The following MICU3 variants were observed in gnomAD, a reference collection of about 807,000 sequenced individuals.
MICU3 encodes the protein mitochondrial calcium uptake 3, also known as calcium uptake protein 3, mitochondrial.
Under a neutral mutation model 66.5 loss-of-function variants are expected in MICU3, and 62 were observed. That is an observed-to-expected ratio of 0.93 (90% CI 0.76 to 1.15). MICU3 has a LOEUF of 1.15. Among genes scored for constraint, MICU3 ranks in the 50% most tolerant of loss-of-function variants. The probability of loss-of-function intolerance (pLI) is 0.00; values close to 1 mark genes in which losing one functional copy is unlikely to be tolerated. For synonymous variants in MICU3, 308 were observed against 240.7 expected (o/e 1.28, Z -2.59); for missense variants, 779 against 664.4 (o/e 1.17, Z -1.90).
At chr8:17,133,500 T>C in the MICU3 span, among the ~76,000 whole-genome samples, 1 of 152,180 alleles carries the variant, frequency 6.6e-6, no homozygotes, top group African/African-American at 2.4e-5. Flanking sequence ...TTTATTTATA[T>C]ATATATCTCA....
chr8:17,115,911 C>T (rs779493249), intron 12 of MICU3, among the ~76,000 whole-genome samples: 42 of 152,172 alleles, frequency 2.8e-4, no homozygotes, highest in Non-Finnish European at 6.0e-4. Flanking sequence ...GTCATCTCAT[C>T]TGCCATTTCT....
rs143438471 is a variant in MICU3, at chr8:17,116,541, C to A, written c.1465C>A (p.Gln489Lys). ...FKIFDVDKDD[Q>K]LSYKEFIGIM... ...GATTTTTGATGTTGACAAAGATGAT[C>A]AATTAAGTTATAAAGAATTTATTGG... Residue 489 changes from glutamine to lysine, a missense_variant, in exon 13 of 15, where the codon CAA (glutamine) becomes AAA (lysine). Coordinates refer to ENST00000318063, the MANE Select transcript of MICU3 (RefSeq NM_181723.3). 6.4e-7 allele frequency: 1 copy of A among 1,564,376 alleles called. No individual in the cohort carries two copies. Among genetic ancestry groups the A allele is most frequent in the African/African-American group, 1.4e-5 (1 of 71,580 alleles).
At chr8:17,047,936 A>G (rs1815369352) in intron 1 of MICU3, among the ~76,000 whole-genome samples, 1 of 152,188 alleles carries the variant, frequency 6.6e-6, no homozygotes, top group Non-Finnish European at 1.5e-5. Context: ...TACAACAACA[A>G]TTATTATTAT....
At chr8:17,033,604 T>A (rs183146563) in intron 1 of MICU3, among the ~76,000 whole-genome samples, 5,907 of 152,060 alleles carry the variant, frequency 0.039, 172 homozygotes, top group Non-Finnish European at 0.059. Flanking sequence ...ACCCAGCTAA[T>A]TTTTTTGTAT....
At chr8:17,123,651 G>A (rs1293658552), downstream of MICU3, among the ~76,000 whole-genome samples, 1 of 152,042 alleles carries the variant, frequency 6.6e-6, no homozygotes, top group Admixed American at 6.6e-5. Flanking sequence ...ATATCTCACA[G>A]TTTTACTTGT....
In MICU3 at chr8:17,077,834, A is replaced by G. The variant is rs1475324747; in HGVS notation, c.619A>G (p.Lys207Glu). The G allele has an allele frequency of 6.2e-7, 1 of 1,611,912 alleles. No homozygotes were observed. The highest frequency in any genetic ancestry group is 1.7e-5 in the Admixed American group (1 of 59,928). The change falls in exon 4 of 15, where the codon AAG (lysine) becomes GAG (glutamate). Residue 207 changes from lysine (K) to glutamate (E), a missense_variant. Lys to Glu is a moderately conservative substitution (Grantham distance 56). Coordinates refer to ENST00000318063, the MANE Select transcript of MICU3 (RefSeq NM_181723.3). ...ACCACCAGTTTGGAAAGGCTCATCGAAGCTATTTCGAAATCTTAAAGAAAA... is the reference window on the plus strand; with the variant it reads ...ACCACCAGTTTGGAAAGGCTCATCGGAGCTATTTCGAAATCTTAAAGAAAA... ...ETPPVWKGSSKLFRNLKEKGV... is the reference protein window; with the variant it reads ...ETPPVWKGSSELFRNLKEKGV...
chr8:17,042,632 G>A (rs551814573), intron 1 of MICU3, among the ~76,000 whole-genome samples: 1 of 152,266 alleles, frequency 6.6e-6, no homozygotes, highest in South Asian at 2.1e-4. Flanking sequence ...TAGCATAGTA[G>A]TGTTTTTGCT....
chr8:17,067,501 C>T (rs1251319612), intron 2 of MICU3, among the ~76,000 whole-genome samples: 1 of 151,978 alleles, frequency 6.6e-6, no homozygotes, highest in Non-Finnish European at 1.5e-5. Flanking sequence ...GTGATCTCAG[C>T]TCACTGCAAC....
chr8:17,049,748 C>G (rs1414395722), intron 1 of MICU3: 9 of 479,160 alleles, frequency 1.9e-5, no homozygotes, highest in Non-Finnish European at 2.5e-5. Context: ...CTGTGTGACC[C>G]TGTTGAAGGC....
chr8:17,062,040 C>A lies in MICU3; in HGVS notation c.382-2044C>A, dbSNP rs912045690. 7.9e-5 allele frequency among the ~76,000 whole-genome samples: 12 copies of A among 152,152 alleles called. 1 individual carries two copies. Among genetic ancestry groups the A allele is most frequent in the Admixed American group, 5.9e-4 (9 of 15,278 alleles). ...AGTCATTGCTCCACTTAAGAATCTC[C>A]TAAGACCATTTGTTTACTGTTAAAT... On this transcript the variant is annotated intron_variant, in intron 1 of 14. Coordinates refer to ENST00000318063, the MANE Select transcript of MICU3 (RefSeq NM_181723.3).
intron 13 of MICU3, among the ~76,000 whole-genome samples, chr8:17,118,009 C>G (rs181081749): frequency 6.6e-6 from 1 of 152,308 alleles, no homozygotes; most frequent in East Asian, 1.9e-4. Context: ...AAAGTCCAAG[C>G]TACTTGAGTA....
At chr8:17,075,570 G>A (rs546449464) in intron 3 of MICU3, among the ~76,000 whole-genome samples, 4 of 152,252 alleles carry the variant, frequency 2.6e-5, no homozygotes, top group African/African-American at 9.6e-5. Flanking sequence ...CCTGACATGG[G>A]TGGAAATATA....
At chr8:17,029,343 T>C (rs971560910) in intron 1 of MICU3, among the ~76,000 whole-genome samples, 2 of 152,026 alleles carry the variant, frequency 1.3e-5, no homozygotes, top group African/African-American at 4.8e-5. Context: ...GGGTGTGGTG[T>C]TGGGCGCTTG....
At chr8:17,064,867 A>T (rs964511250) in intron 2 of MICU3, among the ~76,000 whole-genome samples, 1 of 152,096 alleles carries the variant, frequency 6.6e-6, no homozygotes, top group African/African-American at 2.4e-5. Flanking sequence ...TTTTTAGATT[A>T]TTATAGGTAC....
chr8:17,028,647 T>A (rs1811461611), intron 1 of MICU3, among the ~76,000 whole-genome samples: 1 of 152,228 alleles, frequency 6.6e-6, no homozygotes, highest in Non-Finnish European at 1.5e-5. Context: ...GTGCATCATT[T>A]CCTTTGGTGG....
intron 2 of MICU3, among the ~76,000 whole-genome samples, chr8:17,065,386 T>C (rs1818521777): frequency 6.6e-6 from 1 of 152,204 alleles, no homozygotes; most frequent in Non-Finnish European, 1.5e-5. Context: ...CAGGTATATA[T>C]TTAGGATTCA....
At chr8:17,054,305 G>A (rs1450033150) in intron 1 of MICU3, among the ~76,000 whole-genome samples, 1 of 152,062 alleles carries the variant, frequency 6.6e-6, no homozygotes, top group Non-Finnish European at 1.5e-5. Flanking sequence ...TTTGAAGTTT[G>A]ATGATATTTT....
In MICU3 at chr8:17,027,669, G is replaced by C; in HGVS notation, c.381+9G>C. On this transcript the variant is annotated intron_variant, in intron 1 of 14. Coordinates refer to ENST00000318063, the MANE Select transcript of MICU3 (RefSeq NM_181723.3). ...CGGCTGCCAAGGAGACGGTGAGTGC[G>C]CGAGCGCGCGTCACACCTGCGCGGG... is the stretch of plus-strand genomic sequence containing the variant. The C allele has an allele frequency of 2.3e-6, 3 of 1,288,136 alleles. No individual in the cohort carries two copies. The highest frequency in any genetic ancestry group is 3.0e-4 in the Middle Eastern group (1 of 3,372). 79.8% of individuals were successfully genotyped at this position (1,288,136 alleles called of 1,614,324 possible).
chr8:17,035,533 T>A (rs1812819647), intron 1 of MICU3, among the ~76,000 whole-genome samples: 1 of 152,176 alleles, frequency 6.6e-6, no homozygotes, highest in South Asian at 2.1e-4. Context: ...CAAAGGTGAC[T>A]CTTGGTATGT....
Sources: allele counts gnomAD v4.1 joint callset (sites outside exome capture counted in the v4.1 genomes callset), GRCh38; gene constraint gnomAD v4.1.1; transcripts MANE v1.5; gene names NCBI Gene and HGNC (gene_info 2026-07-23, HGNC 2026-07-21).